ATF7IP: variants seen among roughly 807,000 people sequenced by gnomAD.
ATF7IP encodes activating transcription factor 7-interacting protein 1.
A neutral mutation model predicts 106.4 loss-of-function variants in ATF7IP; 23 were observed. The observed-to-expected ratio is 0.22, with a 90% CI of 0.16 to 0.31. The LOEUF (loss-of-function observed/expected upper bound fraction) is 0.31. ATF7IP is among the 10% of genes least tolerant of loss of function. The probability of loss-of-function intolerance (pLI) is 1.00; values close to 1 mark genes in which losing one functional copy is unlikely to be tolerated. For missense variants in ATF7IP, 1,334 were observed against 1,524.3 expected, an observed-to-expected ratio of 0.88 and a Z score of 2.08; for synonymous variants, 542 against 539.0, an observed-to-expected ratio of 1.01 and a Z score of -0.08.
At chr12:14,431,730 T>A (rs1055980885) in intron 2 of ATF7IP, among the ~76,000 whole-genome samples, 2 of 151,830 alleles carry the variant, frequency 1.3e-5, no homozygotes, top group African/African-American at 4.8e-5. Context: ...TTTGGATGAG[T>A]TTCAGGAGTC....
chr12:14,479,462 C>T (rs1032387375), intron 12 of ATF7IP, among the ~76,000 whole-genome samples: 8 of 152,106 alleles, frequency 5.3e-5, no homozygotes, highest in Non-Finnish European at 7.4e-5. Context: ...TTTATCTGCA[C>T]AGTACTTATA....
At chr12:14,444,726 C>G (rs1381738797) in intron 5 of ATF7IP, among the ~76,000 whole-genome samples, 1 of 151,906 alleles carries the variant, frequency 6.6e-6, no homozygotes, top group East Asian at 1.9e-4. Flanking sequence ...TGTTTTTCTG[C>G]TACTGGATTC....
At chr12:14,435,690 A>C (rs1406923487) in intron 3 of ATF7IP, among the ~76,000 whole-genome samples, 1 of 152,228 alleles carries the variant, frequency 6.6e-6, no homozygotes, top group Non-Finnish European at 1.5e-5. Flanking sequence ...GAGGAAAAAG[A>C]ATAAATAATT....
intron 5 of ATF7IP, among the ~76,000 whole-genome samples, chr12:14,446,667 T>TA (rs1030201173): frequency 3.4e-4 from 52 of 152,126 alleles, no homozygotes; most frequent in Admixed American, 2.6e-3. Context: ...ACAACTGTGT[T>TA]AAAAAAATAA....
intron 6 of ATF7IP, among the ~76,000 whole-genome samples, chr12:14,448,702 A>T (rs907975814): frequency 6.6e-6 from 1 of 152,164 alleles, no homozygotes; most frequent in African/African-American, 2.4e-5. Context: ...GTATGGTAAT[A>T]CTTTTAGATA....
At chr12:14,494,440 A>G (rs187552455) in intron 13 of ATF7IP, among the ~76,000 whole-genome samples, 2,983 of 144,786 alleles carry the variant, frequency 0.021, 35 homozygotes, top group Middle Eastern at 0.033. Flanking sequence ...TATATTATAT[A>G]TGTATTAAAC....
At chr12:14,445,355 C>G (rs1942907696) in intron 5 of ATF7IP, among the ~76,000 whole-genome samples, 1 of 151,826 alleles carries the variant, frequency 6.6e-6, no homozygotes, top group African/African-American at 2.4e-5. Flanking sequence ...AAAATACCTT[C>G]CCTTTCCCAT....
intron 8 of ATF7IP, among the ~76,000 whole-genome samples, chr12:14,458,372 T>C (rs75960879): frequency 6.6e-6 from 1 of 152,192 alleles, no homozygotes; most frequent in Non-Finnish European, 1.5e-5. Context: ...ATGAAAGAAA[T>C]CCAGTCTTTT....
chr12:14,435,898 A>T (rs746157120), intron 3 of ATF7IP, among the ~76,000 whole-genome samples: 3 of 152,194 alleles, frequency 2.0e-5, no homozygotes, highest in African/African-American at 7.2e-5. Context: ...TTGCTTGACC[A>T]TTAGGGAGTT....
In ATF7IP at chr12:14,436,392, C is replaced by A. The variant is rs145024666; in HGVS notation, c.1791+141C>A. The A allele has an allele frequency of 7.9e-4, 673 of 847,236 alleles. 1 individual carries two copies. Among genetic ancestry groups the A allele is most frequent in the Admixed American group, 4.2e-3 (150 of 35,896 alleles). 52.5% of individuals were successfully genotyped at this position (847,236 alleles called of 1,614,324 possible). A position where few individuals can be genotyped will look rare whatever the true frequency, so the allele number is the denominator to read the frequency against. On this transcript the variant is annotated intron_variant, in intron 4 of 14. Transcript: ENST00000261168. ...AAAGAACTTGAAGAAAGTGGTTGAGCTTTTAAAGTCTATTACTGGCCAGAT... is the reference window on the plus strand; with the variant it reads ...AAAGAACTTGAAGAAAGTGGTTGAGATTTTAAAGTCTATTACTGGCCAGAT...
intron 1 of ATF7IP, among the ~76,000 whole-genome samples, chr12:14,408,141 C>CACAA (rs550112357): frequency 0.015 from 2,245 of 151,382 alleles, 28 homozygotes; most frequent in Middle Eastern, 0.061. Flanking sequence ...CACACACACA[C>CACAA]AAATATATAT....
At chr12:14,382,910 T>G (rs1307332678) in intron 1 of ATF7IP, among the ~76,000 whole-genome samples, 1 of 152,202 alleles carries the variant, frequency 6.6e-6, no homozygotes, top group East Asian at 1.9e-4. Flanking sequence ...AGCAAAGAAT[T>G]ATCAGTGATA....
At position 14,461,146 on chromosome 12, in the gene ATF7IP, G is replaced by A. The variant is rs1943624357; in HGVS notation, c.2797+13G>A. 6.2e-7 allele frequency: 1 copy of A among 1,604,950 alleles called. No homozygotes were observed. Among genetic ancestry groups the A allele is most frequent in the African/African-American group, 1.3e-5 (1 of 74,624 alleles). On this transcript the variant is annotated intron_variant, in intron 9 of 14. Coordinates refer to ENST00000261168, the MANE Select transcript of ATF7IP (RefSeq NM_018179.5). ...ACCCCAAGAATTGGTAAGTCACCAT[G>A]TAGGTTTAATACTAGAAATGCAAGC... is the stretch of plus-strand genomic sequence containing the variant.
chr12:14,502,225 C>A lies in ATF7IP; in HGVS notation c.*4152C>A, dbSNP rs939823759. 1.3e-5 allele frequency: 2 copies of A among 152,128 alleles called. No individual in the cohort carries two copies. The highest frequency in any genetic ancestry group is 4.8e-5 in the African/African-American group (2 of 41,416). 9.4% of individuals were successfully genotyped at this position (152,128 alleles called of 1,614,324 possible). ...CCGATGTGTGATTCTACCTTCCTTACTATTTTTACTGGGCAAATGCCCTAT... is the reference window on the plus strand; with the variant it reads ...CCGATGTGTGATTCTACCTTCCTTAATATTTTTACTGGGCAAATGCCCTAT... On this transcript the variant is annotated 3_prime_UTR_variant, in exon 15 of 15. Transcript: ENST00000261168.
intron 9 of ATF7IP, among the ~76,000 whole-genome samples, chr12:14,462,451 T>C (rs1448714272): frequency 1.3e-5 from 2 of 152,058 alleles, no homozygotes; most frequent in African/African-American, 4.8e-5. Flanking sequence ...TGGGTTTTCC[T>C]CCTTATGAAA....
intron 10 of ATF7IP, among the ~76,000 whole-genome samples, chr12:14,469,721 G>C (rs1440569306): frequency 6.6e-6 from 1 of 152,098 alleles, no homozygotes. Flanking sequence ...CCAGTAGTAG[G>C]TTATACTCAC....
At chr12:14,469,560 T>C (rs1468478866) in intron 10 of ATF7IP, among the ~76,000 whole-genome samples, 3 of 152,016 alleles carry the variant, frequency 2.0e-5, no homozygotes, top group African/African-American at 7.2e-5. Context: ...TATATCATTT[T>C]ATATAATGAA....
intron 1 of ATF7IP, among the ~76,000 whole-genome samples, chr12:14,400,310 C>T (rs1441473566): frequency 1.3e-5 from 2 of 152,078 alleles, no homozygotes; most frequent in Non-Finnish European, 2.9e-5. Context: ...AAACAGGAAA[C>T]ATTTATTGAC....
At chr12:14,469,565 A>G (rs923440920) in intron 10 of ATF7IP, among the ~76,000 whole-genome samples, 1 of 151,980 alleles carries the variant, frequency 6.6e-6, no homozygotes, top group Non-Finnish European at 1.5e-5. Flanking sequence ...CATTTTATAT[A>G]ATGAATTGTT....
Sources: allele counts gnomAD v4.1 joint callset (sites outside exome capture counted in the v4.1 genomes callset), GRCh38; gene constraint gnomAD v4.1.1; transcripts MANE v1.5; gene names NCBI Gene and HGNC (gene_info 2026-07-23, HGNC 2026-07-21).